CACNA1E: variants seen among roughly 807,000 people sequenced by gnomAD.
CACNA1E encodes the protein voltage-dependent R-type calcium channel subunit alpha-1E.
CACNA1E carries 40 observed loss-of-function variants against 259.2 expected under a neutral mutation model. The ratio of observed to expected loss-of-function variants is 0.15; its 90% CI spans 0.12 to 0.20. The LOEUF (loss-of-function observed/expected upper bound fraction) is 0.20. CACNA1E is among the 10% of genes least tolerant of loss of function. The pLI, the probability that CACNA1E is intolerant of heterozygous loss-of-function variation, is 1.00. For synonymous variants in CACNA1E, 1,104 were observed against 1,138.5 expected (o/e 0.97, Z 0.61); for missense variants, 1,874 against 3,040.1 (o/e 0.62, Z 9.02).
intron 2 of CACNA1E, among the ~76,000 whole-genome samples, chr1:181,458,423 C>G (rs1661595298): frequency 6.6e-6 from 1 of 152,166 alleles, no homozygotes; most frequent in Non-Finnish European, 1.5e-5. Context: ...CAGAAAAAGC[C>G]TGGCAAGGCA....
intron 6 of CACNA1E, among the ~76,000 whole-genome samples, chr1:181,584,963 G>A (rs1348225996): frequency 1.3e-5 from 2 of 152,174 alleles, no homozygotes; most frequent in South Asian, 2.1e-4. Context: ...AAGTGTTACT[G>A]TAATTGTAAT....
At chr1:181,592,788 C>G (rs1652787261) in intron 6 of CACNA1E, among the ~76,000 whole-genome samples, 2 of 152,128 alleles carry the variant, frequency 1.3e-5, no homozygotes, top group Admixed American at 6.5e-5. Context: ...CCAACTCTCC[C>G]ATGCATGCAC....
intron 1 of CACNA1E, among the ~76,000 whole-genome samples, chr1:181,397,808 T>C (rs1262474247): frequency 6.6e-6 from 1 of 152,332 alleles, no homozygotes. Flanking sequence ...TTACCCTTCT[T>C]GTACTCCAGT....
At position 181,796,695 on chromosome 1, in the gene CACNA1E, G is replaced by A. The variant is rs765358070; in HGVS notation, c.6236G>A (p.Gly2079Glu). The A allele has an allele frequency of 2.5e-6, 4 of 1,606,736 alleles. No individual in the cohort carries two copies. Among genetic ancestry groups the A allele is most frequent in the South Asian group, 1.1e-5 (1 of 90,192 alleles). Residue 2079 changes from glycine to glutamate, a missense_variant, in exon 47 of 48, where the codon GGG (glycine) becomes GAG (glutamate). By Grantham distance (98) the Gly-to-Glu change is moderately conservative. Coordinates refer to ENST00000367573, the MANE Select transcript of CACNA1E (RefSeq NM_001205293.3). ...SGHKSDTHRS[G>E]GRERGRSKER... The stretch of plus-strand genomic sequence containing the variant: ...CACAAGTCTGACACTCACCGCTCAG[G>A]GGGCAGGGAGCGGGGACGATCAAAA...
chr1:181,432,518 GA>G (rs903707412), intron 2 of CACNA1E, among the ~76,000 whole-genome samples: 3 of 151,966 alleles, frequency 2.0e-5, no homozygotes, highest in African/African-American at 7.3e-5. Context: ...AGGACATTGA[GA>G]AAAAAAATCC....
chr1:181,643,514 C>T (rs547720599), intron 6 of CACNA1E, among the ~76,000 whole-genome samples: 27 of 152,264 alleles, frequency 1.8e-4, no homozygotes, highest in Admixed American at 9.8e-4. Context: ...CACTGACACA[C>T]GGGTACCTGC....
At chr1:181,514,822 GC>G (rs1471848518) in intron 3 of CACNA1E, among the ~76,000 whole-genome samples, 1 of 152,174 alleles carries the variant, frequency 6.6e-6, no homozygotes, top group Non-Finnish European at 1.5e-5. Context: ...ACCACATTCT[GC>G]CTGTGACCTC....
At chr1:181,549,897 G>T (rs900286358) in intron 3 of CACNA1E, among the ~76,000 whole-genome samples, 3 of 152,186 alleles carry the variant, frequency 2.0e-5, no homozygotes, top group Non-Finnish European at 4.4e-5. Flanking sequence ...TCTGTGTACT[G>T]CGGTGACACT....
chr1:181,546,292 C>T (rs144908218), intron 3 of CACNA1E, among the ~76,000 whole-genome samples: 3 of 152,260 alleles, frequency 2.0e-5, no homozygotes, highest in East Asian at 1.9e-4. Context: ...CTTCCTTCTT[C>T]GAACCTCTGC....
intron 7 of CACNA1E, among the ~76,000 whole-genome samples, chr1:181,658,902 G>T (rs910342695): frequency 2.0e-5 from 3 of 152,038 alleles, no homozygotes; most frequent in East Asian, 1.9e-4. Flanking sequence ...TCTGCAGGGG[G>T]TTCAGCAGCA....
intron 43 of CACNA1E, among the ~76,000 whole-genome samples, chr1:181,789,467 C>T (rs994773190): frequency 1.1e-4 from 16 of 152,132 alleles, no homozygotes; most frequent in Non-Finnish European, 1.8e-4. Flanking sequence ...CAGCAGTAGA[C>T]TTAAAAGAGA....
intron 16 of CACNA1E, among the ~76,000 whole-genome samples, chr1:181,724,254 T>C (rs1399397734): frequency 2.0e-5 from 3 of 152,168 alleles, no homozygotes; most frequent in Non-Finnish European, 2.9e-5. Flanking sequence ...GGTAAAGAGA[T>C]GATATGCAGA....
intron 7 of CACNA1E, among the ~76,000 whole-genome samples, chr1:181,673,981 A>G (rs950554995): frequency 6.6e-6 from 1 of 152,032 alleles, no homozygotes; most frequent in East Asian, 1.9e-4. Context: ...CCCCAGCCAC[A>G]CAGCTAATCC....
rs1658062464 is a variant in CACNA1E, at chr1:181,756,021, A to T, written c.4055A>T (p.Glu1352Val). ...EVKGREWKRH[E>V]FHYDNIIWAL... is the part of the protein sequence containing the mutation. Reference sequence around the variant, plus strand: ...AAGGGCCGGGAATGGAAGCGCCATGAATTCCACTACGACAACATTATCTGG... The same window carrying T: ...AAGGGCCGGGAATGGAAGCGCCATGTATTCCACTACGACAACATTATCTGG... Residue 1352 changes from glutamate (E) to valine (V), a missense_variant, in exon 29 of 48, where the codon GAA becomes GTA. Coordinates refer to ENST00000367573, the MANE Select transcript of CACNA1E (RefSeq NM_001205293.3). 1 of 1,613,784 alleles carries T rather than the reference A, an allele frequency of 6.2e-7. No homozygotes were observed. Among genetic ancestry groups the T allele is most frequent in the Admixed American group, 1.7e-5 (1 of 60,000 alleles).
intron 1 of CACNA1E, among the ~76,000 whole-genome samples, chr1:181,502,067 T>C (rs1216965039): frequency 6.6e-6 from 1 of 152,068 alleles, no homozygotes; most frequent in African/African-American, 2.4e-5. Flanking sequence ...TTGTTGACAG[T>C]GCATGTCTCC....
intron 24 of CACNA1E, 90 bp from the exon 25 acceptor site, chr1:181,739,057 C>G: frequency 1.2e-6 from 1 of 809,266 alleles, no homozygotes; most frequent in Non-Finnish European, 2.2e-6. Flanking sequence ...GAGACAGTGG[C>G]AGTGGGGGCA....
chr1:181,424,747 A>C (rs1659028713), intron 2 of CACNA1E, among the ~76,000 whole-genome samples: 1 of 152,154 alleles, frequency 6.6e-6, no homozygotes, highest in Admixed American at 6.5e-5. Flanking sequence ...CTGTTGTCCC[A>C]GTTCTTCCCT....
chr1:181,573,023 C>T (rs6694332), intron 3 of CACNA1E, among the ~76,000 whole-genome samples: 27,385 of 152,068 alleles, frequency 0.18, 3,467 homozygotes, highest in African/African-American at 0.35. Flanking sequence ...CATTACACAG[C>T]GTAATGGCAG....
intron 3 of CACNA1E, among the ~76,000 whole-genome samples, chr1:181,528,147 T>TCG (rs1553270275): frequency 7.3e-6 from 1 of 136,390 alleles, no homozygotes; most frequent in African/African-American, 2.7e-5. Flanking sequence ...GGGCCCGGGG[T>TCG]GGGGGGGGCA....
Sources: allele counts gnomAD v4.1 joint callset (sites outside exome capture counted in the v4.1 genomes callset), GRCh38; gene constraint gnomAD v4.1.1; transcripts MANE v1.5; gene names NCBI Gene and HGNC (gene_info 2026-07-23, HGNC 2026-07-21).